PTPRD: variants seen among roughly 807,000 people sequenced by gnomAD.
PTPRD encodes protein tyrosine phosphatase receptor type D, also known as receptor-type tyrosine-protein phosphatase delta.
In PTPRD, 34 loss-of-function variants were observed where a neutral mutation model predicts 214.5. That is an observed-to-expected ratio of 0.16 (90% CI 0.12 to 0.21). The LOEUF (loss-of-function observed/expected upper bound fraction) is 0.21, where lower values mean the gene tolerates loss of function less well. Ranked by LOEUF, PTPRD falls within the 10% of genes least tolerant of loss-of-function variation. The pLI, the probability that PTPRD is intolerant of heterozygous loss-of-function variation, is 1.00. For synonymous variants in PTPRD, 1,128 were observed against 845.7 expected (o/e 1.33, Z -5.79); for missense variants, 2,545 against 2,398.7 (o/e 1.06, Z -1.27).
chr9:10,306,562 AGAGTTTAACCTAATCAATC>A (rs1415035036), intron 3 of PTPRD, among the ~76,000 whole-genome samples: 1 of 152,144 alleles, frequency 6.6e-6, no homozygotes, highest in Non-Finnish European at 1.5e-5. Flanking sequence ...GGTAATAATG[AGAGTTTAACCTAATCAATC>A]GAGTTTAAGT....
chr9:10,280,446 G>A (rs1022344262), intron 3 of PTPRD, among the ~76,000 whole-genome samples: 8 of 151,712 alleles, frequency 5.3e-5, no homozygotes, highest in African/African-American at 1.9e-4. Flanking sequence ...ACCAAATTCA[G>A]AATGATTAGA....
chr9:8,465,535 T>C lies in PTPRD; in HGVS notation c.3645A>G (p.Thr1215=). 1.2e-6 allele frequency: 2 copies of C among 1,612,694 alleles called. No homozygotes were observed. The highest frequency in any genetic ancestry group is 1.7e-6 in the Non-Finnish European group (2 of 1,179,070). Residue 1215 remains threonine (T), a synonymous_variant, in exon 32 of 46, where the codon ACA becomes ACG. Coordinates refer to ENST00000381196, the MANE Select transcript of PTPRD (RefSeq NM_002839.4). The stretch of plus-strand genomic sequence containing the variant: ...CTTGACCACTTTGGAGTTGCTTGTT[T>C]GTAAATCCACCATAATGCTTGTCAT... ...LGDDKHYGGF[T]NKQLQSGQEY...
intron 8 of PTPRD, among the ~76,000 whole-genome samples, chr9:9,420,977 G>A (rs1045822464): frequency 6.6e-6 from 1 of 151,638 alleles, no homozygotes; most frequent in African/African-American, 2.4e-5. Flanking sequence ...GCCTTCATAA[G>A]GCTGCCATTT....
At chr9:9,112,450 G>A (rs1186556099) in intron 10 of PTPRD, among the ~76,000 whole-genome samples, 2 of 152,118 alleles carry the variant, frequency 1.3e-5, no homozygotes, top group African/African-American at 2.4e-5. Flanking sequence ...GTTATCACCA[G>A]CATTACTTTC....
At chr9:9,781,402 G>A (rs1415411811) in intron 5 of PTPRD, among the ~76,000 whole-genome samples, 1 of 152,116 alleles carries the variant, frequency 6.6e-6, no homozygotes, top group South Asian at 2.1e-4. Flanking sequence ...ACGCAAAAAT[G>A]CTCAAGTTAA....
chr9:9,938,095 G>A (rs934897059), intron 5 of PTPRD, among the ~76,000 whole-genome samples: 1 of 151,986 alleles, frequency 6.6e-6, no homozygotes, highest in Non-Finnish European at 1.5e-5. Context: ...AGGGTTACTC[G>A]GCCCTCAGGT....
intron 2 of PTPRD, among the ~76,000 whole-genome samples, chr9:10,606,605 G>C (rs1046895760): frequency 6.6e-6 from 1 of 150,972 alleles, no homozygotes; most frequent in Non-Finnish European, 1.5e-5. Flanking sequence ...TGAGGTTTGG[G>C]TTATTTTCTA....
intron 3 of PTPRD, among the ~76,000 whole-genome samples, chr9:10,291,785 A>C (rs1267585756): frequency 6.6e-6 from 1 of 152,018 alleles, no homozygotes; most frequent in East Asian, 1.9e-4. Context: ...TTAAGGTATT[A>C]GGTTTGTGGA....
intron 11 of PTPRD, among the ~76,000 whole-genome samples, chr9:9,012,138 C>T (rs1320670281): frequency 1.3e-5 from 2 of 152,022 alleles, no homozygotes; most frequent in Non-Finnish European, 2.9e-5. Context: ...CTGAGAGTAG[C>T]CTCTAGCCAA....
chr9:9,976,376 G>A (rs754624927), intron 4 of PTPRD, among the ~76,000 whole-genome samples: 1 of 151,848 alleles, frequency 6.6e-6, no homozygotes, highest in Non-Finnish European at 1.5e-5. Context: ...TCATCCAGGT[G>A]ATTAACTATA....
chr9:9,143,344 A>C (rs1281771358), intron 10 of PTPRD, among the ~76,000 whole-genome samples: 1 of 152,016 alleles, frequency 6.6e-6, no homozygotes, highest in Non-Finnish European at 1.5e-5. Flanking sequence ...AGCAATTTTG[A>C]CTCTTATTAC....
intron 9 of PTPRD, among the ~76,000 whole-genome samples, chr9:9,328,530 T>G (rs1446790196): frequency 6.6e-6 from 1 of 151,822 alleles, no homozygotes; most frequent in Non-Finnish European, 1.5e-5. Flanking sequence ...ATTTAGCATA[T>G]GTGTTTATAT....
intron 5 of PTPRD, among the ~76,000 whole-genome samples, chr9:9,884,572 C>G (rs2070085271): frequency 6.6e-6 from 1 of 152,042 alleles, no homozygotes; most frequent in African/African-American, 2.4e-5. Context: ...CTTGAAGACA[C>G]TATTTGTAGA....
At chr9:8,768,815 G>T (rs1016381132) in intron 11 of PTPRD, among the ~76,000 whole-genome samples, 13 of 152,286 alleles carry the variant, frequency 8.5e-5, no homozygotes, top group African/African-American at 3.1e-4. Flanking sequence ...TATTAGAAAT[G>T]AAGTAACCTA....
At chr9:9,191,915 A>AT (rs749707234) in intron 9 of PTPRD, among the ~76,000 whole-genome samples, 1 of 152,092 alleles carries the variant, frequency 6.6e-6, no homozygotes, top group Non-Finnish European at 1.5e-5. Context: ...ACAACAGAAA[A>AT]TTTGATTTGC....
chr9:9,113,331 T>C (rs907359040), intron 10 of PTPRD, among the ~76,000 whole-genome samples: 3 of 152,086 alleles, frequency 2.0e-5, no homozygotes, highest in African/African-American at 7.2e-5. Flanking sequence ...ATCTGATGCT[T>C]ATATTAAGTA....
chr9:9,980,702 G>A (rs1566902094), intron 4 of PTPRD, among the ~76,000 whole-genome samples: 1 of 74,708 alleles, frequency 1.3e-5, no homozygotes, highest in Non-Finnish European at 3.1e-5. Context: ...TTCACAGAAA[G>A]GGTGATACAG....
At chr9:8,916,779 A>AT (rs1016598604) in intron 11 of PTPRD, among the ~76,000 whole-genome samples, 3 of 152,172 alleles carry the variant, frequency 2.0e-5, no homozygotes, top group African/African-American at 7.2e-5. Context: ...ATGACTTTAC[A>AT]TTTTTTGTTT....
chr9:9,209,245 G>T (rs545366635), intron 9 of PTPRD, among the ~76,000 whole-genome samples: 18 of 152,248 alleles, frequency 1.2e-4, no homozygotes, highest in African/African-American at 4.1e-4. Flanking sequence ...TATATTAAAA[G>T]ACACTATTGT....
Sources: gnomAD v4.1 joint callset for allele counts (sites outside exome capture counted in the v4.1 genomes callset) on GRCh38, gnomAD v4.1.1 for gene constraint, MANE v1.5 for transcripts, NCBI Gene and HGNC (gene_info 2026-07-23, HGNC 2026-07-21) for gene names.